The following CD160 variants were observed in gnomAD, a reference collection of about 807,000 sequenced individuals.
The protein encoded by CD160 is CD160 antigen.
Under a neutral mutation model 19.2 loss-of-function variants are expected in CD160, and 11 were observed. The observed-to-expected ratio is 0.57, with a 90% CI of 0.36 to 0.95. The LOEUF is 0.95. CD160 is among the 40% of genes least tolerant of loss of function. The probability of loss-of-function intolerance (pLI) is 0.01; values close to 1 mark genes in which losing one functional copy is unlikely to be tolerated. For missense variants in CD160, 182 were observed against 213.2 expected, an observed-to-expected ratio of 0.85 and a Z score of 0.91; for synonymous variants, 75 against 81.1, an observed-to-expected ratio of 0.93 and a Z score of 0.40.
intron 5 of CD160, 144 bp downstream of exon 5, chr1:145,736,278 G>A: frequency 6.4e-7 from 1 of 1,555,342 alleles, no homozygotes; most frequent in East Asian, 2.4e-5. Context: ...CTATCCACAG[G>A]AAAGTTCAAA....
chr1:145,730,949 T>C lies in CD160; in HGVS notation c.279T>C (p.Ser93=). ...PGIDGVGEIS[S]QLMFTISQVT... ...TAGATGGTGTTGGTGAAATATCATCTCAGTTGATGTTCACCATAAGCCAAG... is the reference window on the plus strand; with the variant it reads ...TAGATGGTGTTGGTGAAATATCATCCCAGTTGATGTTCACCATAAGCCAAG... Residue 93 remains serine, a synonymous_variant, in exon 4 of 6, where the codon TCT becomes TCC. Transcript: ENST00000369288. The C allele has an allele frequency of 6.2e-7, 1 of 1,614,044 alleles. No homozygotes were observed. Among genetic ancestry groups the C allele is most frequent in the Non-Finnish European group, 8.5e-7 (1 of 1,179,904 alleles).
At chr1:145,720,125 T>C (rs1310947024) in intron 1 of CD160, among the ~76,000 whole-genome samples, 6 of 152,216 alleles carry the variant, frequency 3.9e-5, no homozygotes, top group Admixed American at 3.9e-4. Context: ...CACAAATATT[T>C]TCAAATCTCA....
chr1:145,722,239 T>C (rs1656879139), intron 1 of CD160, among the ~76,000 whole-genome samples: 2 of 152,214 alleles, frequency 1.3e-5, no homozygotes, highest in South Asian at 4.1e-4. Flanking sequence ...TGCCAGGCAC[T>C]GTGCTAAGTA....
At position 145,736,150 on chromosome 1, in the gene CD160, C is replaced by G; in HGVS notation, c.538+16C>G. The G allele has an allele frequency of 1.2e-6, 2 of 1,613,884 alleles. No individual in the cohort carries two copies. The highest frequency in any genetic ancestry group is 1.7e-6 in the Non-Finnish European group (2 of 1,179,988). ...GCCCTTCAAGGTATGTCCAAAAGAG[C>G]CGTAAGCACCCCAAGCAATGAGGGT... On this transcript the variant is annotated intron_variant, in intron 5 of 5. Transcript: ENST00000369288.
chr1:145,721,787 C>A (rs1553707840), intron 1 of CD160, among the ~76,000 whole-genome samples: 1 of 152,170 alleles, frequency 6.6e-6, no homozygotes, highest in East Asian at 1.9e-4. Context: ...CCCGAGAGCC[C>A]ACAAACAACT....
Position 145,728,596 on chromosome 1 carries a change from C to T in CD160, c.73+196C>T, listed in dbSNP as rs1571678783. Among the ~76,000 whole-genome samples, 3 of 149,402 alleles carry T rather than the reference C, an allele frequency of 2.0e-5. No homozygotes were observed. The East Asian group carries it at 5.9e-4, about 30-fold the overall frequency. On this transcript the variant is annotated intron_variant, in intron 3 of 5. Transcript: ENST00000369288. Reference sequence around the variant, plus strand: ...TCGGCTCACTGCAACCTCCGCCTCCCATGTTCAAGCAATTCTGCTGGCTCA... The same window carrying T: ...TCGGCTCACTGCAACCTCCGCCTCCTATGTTCAAGCAATTCTGCTGGCTCA...
At chr1:145,735,063 C>T (rs978871698) in intron 4 of CD160, among the ~76,000 whole-genome samples, 8 of 151,968 alleles carry the variant, frequency 5.3e-5, no homozygotes, top group Non-Finnish European at 8.8e-5. Flanking sequence ...GCCGAGATTG[C>T]GCCACTGCAC....
chr1:145,733,817 T>C (rs1553709736), intron 4 of CD160, among the ~76,000 whole-genome samples: 1 of 152,116 alleles, frequency 6.6e-6, no homozygotes, highest in African/African-American at 2.4e-5. Flanking sequence ...ACCTTTTCTC[T>C]TTACTCTCTC....
intron 1 of CD160, among the ~76,000 whole-genome samples, chr1:145,720,862 C>T (rs1656810971): frequency 6.6e-6 from 1 of 152,216 alleles, no homozygotes; most frequent in African/African-American, 2.4e-5. Flanking sequence ...CAGGAGTCCA[C>T]AAGACTCCAG....
At chr1:145,735,000 G>C (rs1439030199) in intron 4 of CD160, among the ~76,000 whole-genome samples, 1 of 152,064 alleles carries the variant, frequency 6.6e-6, no homozygotes, top group East Asian at 1.9e-4. Flanking sequence ...CCAGCTACTT[G>C]GGAGGCTGAG....
At chr1:145,729,760 TC>T in intron 3 of CD160, among the ~76,000 whole-genome samples, 1 of 152,316 alleles carries the variant, frequency 6.6e-6, no homozygotes, top group South Asian at 2.1e-4. Flanking sequence ...ATATCAATGG[TC>T]CCTCAATAAT....
chr1:145,723,719 G>A (rs1656944948), intron 1 of CD160, among the ~76,000 whole-genome samples: 1 of 152,046 alleles, frequency 6.6e-6, no homozygotes. Flanking sequence ...GAGTAGGTGG[G>A]ATCACAGGCA....
At chr1:145,720,035 A>C (rs905764652) in intron 1 of CD160, among the ~76,000 whole-genome samples, 1 of 152,228 alleles carries the variant, frequency 6.6e-6, no homozygotes, top group African/African-American at 2.4e-5. Flanking sequence ...ATTTTCACTA[A>C]TCTTTAATTG....
intron 3 of CD160, 93 bp from the exon 4 acceptor site, chr1:145,730,651 C>T (rs1217163495): frequency 2.0e-6 from 2 of 1,011,448 alleles, no homozygotes; most frequent in South Asian, 1.6e-5. Context: ...TGCTTCAGTC[C>T]TTCCTTGAAG....
chr1:145,727,802 G>A (rs1363502590), intron 2 of CD160, among the ~76,000 whole-genome samples: 1 of 152,136 alleles, frequency 6.6e-6, no homozygotes, highest in Non-Finnish European at 1.5e-5. Context: ...ACTAATCATG[G>A]AAATGCAACA....
rs782314502 is a variant in CD160 at position 145,728,420 on chromosome 1, C to T, written c.73+20C>T. Reference sequence around the variant, plus strand: ...CTGGTGGTGAGGATAGACCCTAGAGCAGAGACGGCCATGGGGAGGATCCTG... The same window carrying T: ...CTGGTGGTGAGGATAGACCCTAGAGTAGAGACGGCCATGGGGAGGATCCTG... On this transcript the variant is annotated intron_variant, in intron 3 of 5. Coordinates refer to ENST00000369288, the MANE Select transcript of CD160 (RefSeq NM_007053.4). 6.5e-7 allele frequency: 1 copy of T among 1,538,486 alleles called. No individual in the cohort carries two copies. Among genetic ancestry groups the T allele is most frequent in the African/African-American group, 1.4e-5 (1 of 73,432 alleles).
chr1:145,734,724 A>C (rs1394054535), intron 4 of CD160, among the ~76,000 whole-genome samples: 1 of 152,186 alleles, frequency 6.6e-6, no homozygotes, highest in Non-Finnish European at 1.5e-5. Context: ...CAGCATATTT[A>C]AGTATTAGAG....
At chr1:145,728,770 C>T (rs1553708751) in intron 3 of CD160, among the ~76,000 whole-genome samples, 2 of 152,080 alleles carry the variant, frequency 1.3e-5, no homozygotes, top group Non-Finnish European at 1.5e-5. Flanking sequence ...GGCTGACTCA[C>T]TCTCCTTGAC....
chr1:145,736,182 A>G (rs1320876950), intron 5 of CD160, 48 bp downstream of exon 5: 2 of 1,613,320 alleles, frequency 1.2e-6, no homozygotes, highest in Non-Finnish European at 1.7e-6. Flanking sequence ...GGGTGCTATT[A>G]TATTTCTGCC....
Sources: allele counts gnomAD v4.1 joint callset (sites outside exome capture counted in the v4.1 genomes callset), GRCh38; gene constraint gnomAD v4.1.1; transcripts MANE v1.5; gene names NCBI Gene and HGNC (gene_info 2026-07-23, HGNC 2026-07-21).